AIG1: variants seen among roughly 807,000 people sequenced by gnomAD.
AIG1 encodes androgen induced 1.
A neutral mutation model predicts 31.4 loss-of-function variants in AIG1; 23 were observed. The observed-to-expected ratio is 0.73, with a 90% CI of 0.53 to 1.04. The LOEUF is 1.04. Among genes scored for constraint, AIG1 ranks in the 50% least tolerant of loss-of-function variants. The pLI, the probability that AIG1 is intolerant of heterozygous loss-of-function variation, is 0.00. For missense variants in AIG1, 274 were observed against 295.0 expected (o/e 0.93, Z 0.52); for synonymous variants, 100 against 110.5 (o/e 0.90, Z 0.60).
chr6:143,301,216 A>T (rs1235045489), intron 4 of AIG1, among the ~76,000 whole-genome samples: 1 of 152,222 alleles, frequency 6.6e-6, no homozygotes, highest in Non-Finnish European at 1.5e-5. Flanking sequence ...GCTGCCTCGG[A>T]TTGCAATGTT....
intron 1 of AIG1, among the ~76,000 whole-genome samples, chr6:143,063,971 A>G (rs1776475437): frequency 6.6e-6 from 1 of 152,208 alleles, no homozygotes; most frequent in Admixed American, 6.5e-5. Context: ...GTAATCTTAT[A>G]CTGTTATTCT....
At chr6:143,339,522 AAT>A in intron 5 of AIG1, 115 bp from the exon 6 acceptor site, 2 of 1,013,322 alleles carry the variant, frequency 2.0e-6, no homozygotes, top group Non-Finnish European at 2.9e-6. Flanking sequence ...CAGGAGGGTG[AAT>A]GGGAGAAGTG....
chr6:143,209,445 A>G (rs1347099876), intron 3 of AIG1, among the ~76,000 whole-genome samples: 1 of 152,208 alleles, frequency 6.6e-6, no homozygotes, highest in East Asian at 1.9e-4. Flanking sequence ...CAGGGGGCCT[A>G]TTGTAATCAC....
intron 3 of AIG1, among the ~76,000 whole-genome samples, chr6:143,220,857 T>C (rs762875716): frequency 1.9e-4 from 29 of 152,216 alleles, no homozygotes; most frequent in Non-Finnish European, 3.7e-4. Flanking sequence ...AGCTAAAATC[T>C]ACCACTATGC....
rs1797265656 is a variant in AIG1 at position 143,280,440 on chromosome 6, C to T, written c.400-3670C>T. Among the ~76,000 whole-genome samples, 1 of 152,156 alleles carries T rather than the reference C, an allele frequency of 6.6e-6. No homozygotes were observed. The highest frequency in any genetic ancestry group is 1.5e-5 in the Non-Finnish European group (1 of 68,026). On this transcript the variant is annotated intron_variant, in intron 3 of 5. Transcript: ENST00000357847. This position sits in a 1 kb window ranked among gnomAD's most constrained non-coding sequence, Gnocchi z 4.1. ...TGTGCACAAATGTTCATTGCAGCAC[C>T]ACTCACAATAGCGAAAACATGGAAT...
intron 3 of AIG1, among the ~76,000 whole-genome samples, chr6:143,196,391 ACACACCC>A (rs1399684150): frequency 3.0e-5 from 4 of 133,756 alleles, no homozygotes; most frequent in Admixed American, 7.3e-5. Context: ...ACACACACAC[ACACACCC>A]CAATTTGATA....
intron 3 of AIG1, among the ~76,000 whole-genome samples, chr6:143,266,301 C>T (rs141708119): frequency 1.2e-3 from 168 of 137,416 alleles, no homozygotes; most frequent in African/African-American, 4.6e-3. Context: ...GAGTCGAGAT[C>T]GTGCCATTGC....
chr6:143,120,818 A>G (rs1782175521), intron 1 of AIG1, among the ~76,000 whole-genome samples: 1 of 152,232 alleles, frequency 6.6e-6, no homozygotes, highest in South Asian at 2.1e-4. Flanking sequence ...AACTGGCCAT[A>G]AACAAAATCT....
rs985154167 is a variant in AIG1 at position 143,328,682 on chromosome 6, T to G, written c.516-4600T>G. On this transcript the variant is annotated intron_variant, in intron 4 of 5. Transcript: ENST00000357847. This position sits in a 1 kb window ranked among gnomAD's most constrained non-coding sequence, Gnocchi z 4.0. ...AATTCATTCATATAAGCCATTTACT[T>G]TGTATCATTTGTGAGTAACAAAGCA... 6.6e-6 allele frequency among the ~76,000 whole-genome samples: 1 copy of G among 152,236 alleles called. No individual in the cohort carries two copies. Among genetic ancestry groups the G allele is most frequent in the Admixed American group, 6.5e-5 (1 of 15,280 alleles).
chr6:143,104,494 A>C (rs1478113800), intron 1 of AIG1, among the ~76,000 whole-genome samples: 1 of 152,196 alleles, frequency 6.6e-6, no homozygotes, highest in Non-Finnish European at 1.5e-5. Flanking sequence ...TGTAGTTCCA[A>C]AGACCTTTGA....
At chr6:143,239,597 T>A (rs1409877877) in intron 3 of AIG1, among the ~76,000 whole-genome samples, 3 of 152,224 alleles carry the variant, frequency 2.0e-5, no homozygotes. Context: ...CCTCTCATCT[T>A]CCTGCTTCCA....
Position 143,156,273 on chromosome 6 carries a change from C to A in AIG1, c.298-8809C>A, listed in dbSNP as rs949434909. On this transcript the variant is annotated intron_variant, in intron 2 of 5. Transcript: ENST00000357847. ...GAATGCATGTATCCGTTAGTGAGTA[C>A]TTGAGTAAACTATGGTACATAATCC... 7.9e-5 allele frequency among the ~76,000 whole-genome samples: 12 copies of A among 152,156 alleles called. 1 individual carries two copies. The East Asian group carries it at 2.3e-3, about 29-fold the overall frequency.
chr6:143,295,568 T>C (rs1798366287), intron 4 of AIG1, among the ~76,000 whole-genome samples: 2 of 152,114 alleles, frequency 1.3e-5, no homozygotes, highest in Admixed American at 6.6e-5. Context: ...AGCTTTCACT[T>C]TCTTTGTGCC....
chr6:143,094,121 C>T (rs755114515), intron 1 of AIG1: 8 of 152,190 alleles, frequency 5.3e-5, no homozygotes, highest in Non-Finnish European at 8.8e-5. Flanking sequence ...CAAAACTACC[C>T]ATCTGTGAGT....
intron 3 of AIG1, among the ~76,000 whole-genome samples, chr6:143,180,090 A>G (rs1447993136): frequency 6.6e-6 from 1 of 152,262 alleles, no homozygotes; most frequent in Non-Finnish European, 1.5e-5. Context: ...AGAAAAGCAC[A>G]GGTGGTGTTA....
chr6:143,121,986 AT>A (rs1782281613), intron 1 of AIG1, among the ~76,000 whole-genome samples: 1 of 152,170 alleles, frequency 6.6e-6, no homozygotes. Context: ...TGGTGAAAAA[AT>A]TATTGATAGT....
intron 3 of AIG1, chr6:143,188,189 G>A (rs991252501): frequency 7.0e-6 from 7 of 995,530 alleles, no homozygotes; most frequent in African/African-American, 3.5e-5. Flanking sequence ...CTCTTTACTC[G>A]TAAGCTGCCC....
At chr6:143,169,452 A>T (rs1028058126) in intron 3 of AIG1, among the ~76,000 whole-genome samples, 9 of 152,200 alleles carry the variant, frequency 5.9e-5, no homozygotes, top group African/African-American at 2.2e-4. Context: ...TGTTGAGAAC[A>T]TTCAAAATCC....
chr6:143,289,123 T>C (rs1797884914), intron 4 of AIG1, among the ~76,000 whole-genome samples: 1 of 152,076 alleles, frequency 6.6e-6, no homozygotes, highest in African/African-American at 2.4e-5. Flanking sequence ...TCTTTGTTAA[T>C]CTCTCCTAGA....
Sources: allele counts gnomAD v4.1 joint callset (sites outside exome capture counted in the v4.1 genomes callset), GRCh38; gene constraint gnomAD v4.1.1; non-coding constraint Gnocchi (gnomAD v3.1); transcripts MANE v1.5; gene names NCBI Gene and HGNC (gene_info 2026-07-23, HGNC 2026-07-21).